KPNA3: variants seen among roughly 807,000 people sequenced by gnomAD.
The protein encoded by KPNA3 is importin subunit alpha-4.
KPNA3 carries 13 observed loss-of-function variants against 73.8 expected under a neutral mutation model. That is an observed-to-expected ratio of 0.18 (90% CI 0.11 to 0.28). KPNA3 has a LOEUF of 0.28. Ranked by LOEUF, KPNA3 falls within the 10% of genes least tolerant of loss-of-function variation. The probability of loss-of-function intolerance (pLI) is 1.00; values close to 1 mark genes in which losing one functional copy is unlikely to be tolerated. For synonymous variants in KPNA3, 186 were observed against 206.9 expected (o/e 0.90, Z 0.87); for missense variants, 360 against 618.1 (o/e 0.58, Z 4.43).
chr13:49,781,194 T>C (rs967460065), intron 1 of KPNA3, among the ~76,000 whole-genome samples: 2 of 152,186 alleles, frequency 1.3e-5, no homozygotes, highest in Non-Finnish European at 2.9e-5. Context: ...TCTTTCCCCA[T>C]GTGCCCGCTC....
At chr13:49,721,843 C>A (rs1206298535) in intron 9 of KPNA3, 112 bp downstream of exon 9, 22 of 703,600 alleles carry the variant, frequency 3.1e-5, no homozygotes, top group Non-Finnish European at 4.3e-5. Context: ...AAACAAAAAA[C>A]TCACACCTGC....
At position 49,732,361 on chromosome 13, in the gene KPNA3, C is replaced by T. The variant is rs761807541; in HGVS notation, c.383+10G>A. On this transcript the variant is annotated intron_variant, in intron 6 of 16. Coordinates refer to ENST00000261667, the MANE Select transcript of KPNA3 (RefSeq NM_002267.4). ...AAAAAAACTGAATAGGGAGTAAAAT[C>T]CATACTTACTTATCATCCCTTTCTA... 4 of 1,414,560 alleles carry T rather than the reference C, an allele frequency of 2.8e-6. No individual in the cohort carries two copies. The South Asian group carries it at 3.8e-5, about 13-fold the overall frequency. The allele number at this position is 1,414,560 out of a possible 1,614,324, so 87.6% of individuals were successfully genotyped here.
At chr13:49,703,565 A>G (rs1208962721) in intron 15 of KPNA3, among the ~76,000 whole-genome samples, 1 of 152,198 alleles carries the variant, frequency 6.6e-6, no homozygotes, top group African/African-American at 2.4e-5. Flanking sequence ...TAACCACAAA[A>G]TGAGTTTTTA....
intron 10 of KPNA3, among the ~76,000 whole-genome samples, chr13:49,712,317 G>A (rs920143003): frequency 6.6e-6 from 1 of 152,098 alleles, no homozygotes; most frequent in African/African-American, 2.4e-5. Context: ...TATCTGACAA[G>A]GACTTGATAA....
At chr13:49,754,168 C>T (rs150727489) in intron 1 of KPNA3, among the ~76,000 whole-genome samples, 182 of 152,072 alleles carry the variant, frequency 1.2e-3, no homozygotes, top group Non-Finnish European at 2.2e-3. Context: ...GTGGTGGTTG[C>T]ACCTGTAATC....
intron 12 of KPNA3, among the ~76,000 whole-genome samples, chr13:49,708,121 G>A (rs555736013): frequency 6.6e-6 from 1 of 151,354 alleles, no homozygotes; most frequent in African/African-American, 2.4e-5. Context: ...TCAGCCTCCT[G>A]AGTAGTTGGG....
intron 2 of KPNA3, among the ~76,000 whole-genome samples, chr13:49,742,691 T>C (rs1954584113): frequency 6.6e-6 from 1 of 152,088 alleles, no homozygotes; most frequent in African/African-American, 2.4e-5. Flanking sequence ...GTACATCACT[T>C]TGGGTAGTAC....
intron 1 of KPNA3, among the ~76,000 whole-genome samples, chr13:49,764,516 CA>C (rs1317086502): frequency 6.6e-6 from 1 of 152,052 alleles, no homozygotes; most frequent in African/African-American, 2.4e-5. Flanking sequence ...CAGAAACTAT[CA>C]GATAGTAGCA....
intron 1 of KPNA3, among the ~76,000 whole-genome samples, chr13:49,753,166 A>G (rs1449435730): frequency 6.6e-6 from 1 of 152,032 alleles, no homozygotes; most frequent in East Asian, 1.9e-4. Context: ...ACTTAAAACT[A>G]TAAATCAAAA....
chr13:49,745,364 T>G (rs1954607415), intron 2 of KPNA3, among the ~76,000 whole-genome samples: 1 of 93,962 alleles, frequency 1.1e-5, no homozygotes, highest in Admixed American at 1.1e-4. Context: ...AGACGGTAAT[T>G]TTTTTTTTTT....
intron 2 of KPNA3, among the ~76,000 whole-genome samples, chr13:49,734,851 GATT>G (rs767776143): frequency 2.0e-5 from 3 of 151,138 alleles, no homozygotes; most frequent in African/African-American, 4.9e-5. Context: ...CTCCCACAAT[GATT>G]ATATCTTTGA....
intron 1 of KPNA3, among the ~76,000 whole-genome samples, chr13:49,776,044 G>A (rs1350370977): frequency 6.6e-6 from 1 of 152,106 alleles, no homozygotes; most frequent in African/African-American, 2.4e-5. Context: ...GAAAACAAAA[G>A]CAAATATCCA....
chr13:49,766,791 C>A (rs1954811190), intron 1 of KPNA3, among the ~76,000 whole-genome samples: 1 of 151,986 alleles, frequency 6.6e-6, no homozygotes, highest in Non-Finnish European at 1.5e-5. Context: ...AACCTAACAT[C>A]AAAAATTAAA....
chr13:49,722,163 T>C, intron 8 of KPNA3, 39 bp from the exon 9 acceptor site: 1 of 1,370,608 alleles, frequency 7.3e-7, no homozygotes, highest in Non-Finnish European at 9.7e-7. Flanking sequence ...AAACTTACAT[T>C]CAGGATGAGA....
intron 2 of KPNA3, among the ~76,000 whole-genome samples, chr13:49,738,661 T>C (rs1406315532): frequency 1.3e-5 from 2 of 152,252 alleles, no homozygotes; most frequent in East Asian, 1.9e-4. Flanking sequence ...GTTCAGCATA[T>C]ATAAATGCGA....
intron 1 of KPNA3, among the ~76,000 whole-genome samples, chr13:49,750,975 G>C (rs1231285725): frequency 1.3e-5 from 2 of 152,080 alleles, no homozygotes. Flanking sequence ...CTGGGCAACA[G>C]AGTGAGATTC....
In KPNA3 at chr13:49,701,100, A is replaced by C. The variant is rs1448795127; in HGVS notation, c.*700T>G. ...GGCTTGCTGTTCTCAAAAATTAGGTATAATGGCAAAAGCATTAATATCCAT... is the reference window on the plus strand; with the variant it reads ...GGCTTGCTGTTCTCAAAAATTAGGTCTAATGGCAAAAGCATTAATATCCAT... On this transcript the variant is annotated 3_prime_UTR_variant, in exon 17 of 17. Transcript: ENST00000261667. 6.3e-6 allele frequency: 1 copy of C among 157,928 alleles called. No homozygotes were observed. Among genetic ancestry groups the C allele is most frequent in the Non-Finnish European group, 1.4e-5 (1 of 71,760 alleles). 9.8% of individuals were successfully genotyped at this position (157,928 alleles called of 1,614,324 possible).
chr13:49,790,883 T>C lies in KPNA3; in HGVS notation c.69+1555A>G, dbSNP rs918656159. Among the ~76,000 whole-genome samples the C allele has an allele frequency of 4.6e-5, 7 of 152,356 alleles. No homozygotes were observed. The East Asian group carries it at 7.7e-4, about 17-fold the overall frequency. ...ACAATGAGTATTTTTCAATAAATTT[T>C]TATTTGGAACAGGATAGGCTTCAAG... On this transcript the variant is annotated intron_variant, in intron 1 of 16. Transcript: ENST00000261667.
chr13:49,735,310 CG>C (rs953161652), intron 2 of KPNA3, among the ~76,000 whole-genome samples: 2 of 151,988 alleles, frequency 1.3e-5, no homozygotes, highest in African/African-American at 4.8e-5. Flanking sequence ...TTAGTAGAGA[CG>C]GGGTTTCTCC....
Sources: allele counts gnomAD v4.1 joint callset (sites outside exome capture counted in the v4.1 genomes callset), GRCh38; gene constraint gnomAD v4.1.1; transcripts MANE v1.5; gene names NCBI Gene and HGNC (gene_info 2026-07-23, HGNC 2026-07-21).